VAV2: variants seen among roughly 807,000 people sequenced by gnomAD.
VAV2 encodes the protein guanine nucleotide exchange factor VAV2.
Under a neutral mutation model 132.5 loss-of-function variants are expected in VAV2, and 67 were observed. The observed-to-expected ratio is 0.51, with a 90% CI of 0.42 to 0.62. The LOEUF (loss-of-function observed/expected upper bound fraction) is 0.62. VAV2 is among the 20% of genes least tolerant of loss of function. The pLI, the probability that VAV2 is intolerant of heterozygous loss-of-function variation, is 0.00. For synonymous variants in VAV2, 492 were observed against 443.5 expected (o/e 1.11, Z -1.37); for missense variants, 938 against 1,153.6 (o/e 0.81, Z 2.71).
intron 2 of VAV2, among the ~76,000 whole-genome samples, chr9:133,911,402 T>A (rs573514663): frequency 6.6e-6 from 1 of 152,190 alleles, no homozygotes; most frequent in Admixed American, 6.5e-5. Flanking sequence ...TTCAACTGCA[T>A]TGAATTTACC....
intron 1 of VAV2, among the ~76,000 whole-genome samples, chr9:133,953,690 G>T (rs896915604): frequency 3.3e-5 from 5 of 152,162 alleles, no homozygotes; most frequent in African/African-American, 1.2e-4. Context: ...GGGGACAGGG[G>T]GCTCAGGCAC....
chr9:133,946,491 C>T (rs1406108580), intron 1 of VAV2, among the ~76,000 whole-genome samples: 7 of 152,268 alleles, frequency 4.6e-5, no homozygotes, highest in South Asian at 2.1e-4. Context: ...GCAGCCTCCA[C>T]GCCCTGCGGC....
intron 2 of VAV2, among the ~76,000 whole-genome samples, chr9:133,915,593 C>CAT (rs779260621): frequency 4.6e-5 from 7 of 151,998 alleles, no homozygotes; most frequent in Admixed American, 6.6e-5. Context: ...GGCGCACACA[C>CAT]ACACACTCCC....
At chr9:133,773,073 G>C (rs573559085) in intron 25 of VAV2, among the ~76,000 whole-genome samples, 4 of 145,010 alleles carry the variant, frequency 2.8e-5, no homozygotes, top group African/African-American at 1.0e-4. Flanking sequence ...AGAGCCTACT[G>C]CACACCCCAC....
At chr9:133,972,649 C>T (rs1052372739) in intron 1 of VAV2, among the ~76,000 whole-genome samples, 2 of 152,214 alleles carry the variant, frequency 1.3e-5, no homozygotes, top group Non-Finnish European at 2.9e-5. Flanking sequence ...ATCGGCAGGG[C>T]CTCCCGCAAG....
At chr9:133,915,564 G>A (rs901182957) in intron 2 of VAV2, among the ~76,000 whole-genome samples, 9 of 148,608 alleles carry the variant, frequency 6.1e-5, no homozygotes, top group Admixed American at 2.1e-4. Context: ...AGAAAAACTG[G>A]TGCCAGTCTC....
At chr9:133,809,196 CACATCTGCACCGCG>C in intron 6 of VAV2, 58 bp from the exon 7 acceptor site, 2 of 1,451,592 alleles carry the variant, frequency 1.4e-6, no homozygotes, top group Admixed American at 1.7e-5. Flanking sequence ...CTGCCACCTG[CACATCTGCACCGCG>C]ACACCCGGAC....
At chr9:133,860,584 AC>A (rs1837555912) in intron 3 of VAV2, among the ~76,000 whole-genome samples, 1 of 151,990 alleles carries the variant, frequency 6.6e-6, no homozygotes, top group East Asian at 1.9e-4. Flanking sequence ...AAGTCAGGGC[AC>A]CCTCATGATG....
chr9:133,891,168 G>A (rs2131971295), intron 2 of VAV2, among the ~76,000 whole-genome samples: 1 of 149,718 alleles, frequency 6.7e-6, no homozygotes, highest in African/African-American at 2.5e-5. Context: ...AGGGTGCAGG[G>A]GGCTGCCAGG....
chr9:133,839,766 T>A (rs150562547), intron 3 of VAV2, among the ~76,000 whole-genome samples: 1 of 152,192 alleles, frequency 6.6e-6, no homozygotes, highest in Non-Finnish European at 1.5e-5. Context: ...GGAGGCATTT[T>A]CAAGGAGAGC....
intron 2 of VAV2, among the ~76,000 whole-genome samples, chr9:133,889,627 T>C (rs1838850062): frequency 6.6e-6 from 1 of 152,046 alleles, no homozygotes; most frequent in South Asian, 2.1e-4. Flanking sequence ...ACTGCACAAA[T>C]ACATTAAGCC....
At chr9:133,779,795 C>T in intron 21 of VAV2, 123 bp downstream of exon 21, 4 of 1,358,854 alleles carry the variant, frequency 2.9e-6, no homozygotes, top group South Asian at 2.9e-5. Flanking sequence ...ATGGCAGCAT[C>T]CAGGAGCCTG....
chr9:133,891,229 T>TCTCCCTCC (rs1198053460), intron 2 of VAV2, among the ~76,000 whole-genome samples: 1 of 142,036 alleles, frequency 7.0e-6, no homozygotes, highest in South Asian at 2.4e-4. Flanking sequence ...TCCAGCTTCT[T>TCTCCCTCC]CTCCCTCCCT....
intron 1 of VAV2, among the ~76,000 whole-genome samples, chr9:133,944,274 C>A (rs1221764942): frequency 1.3e-5 from 2 of 152,102 alleles, no homozygotes; most frequent in Admixed American, 6.5e-5. Flanking sequence ...AACGGGTCAC[C>A]GGCAGTGCTG....
At chr9:133,862,130 T>A (rs893582277) in intron 2 of VAV2, among the ~76,000 whole-genome samples, 1 of 152,214 alleles carries the variant, frequency 6.6e-6, no homozygotes, top group Non-Finnish European at 1.5e-5. Flanking sequence ...CCGCTCCTCC[T>A]CCCTCTGCTC....
intron 1 of VAV2, among the ~76,000 whole-genome samples, chr9:133,955,039 T>C (rs1471871940): frequency 6.6e-6 from 1 of 152,018 alleles, no homozygotes; most frequent in African/African-American, 2.4e-5. Context: ...CAGACACTCC[T>C]TCCTCCGGCT....
Position 133,922,637 on chromosome 9 carries a change from A to G in VAV2, c.321+16466T>C, listed in dbSNP as rs138709966. Among the ~76,000 whole-genome samples the G allele has an allele frequency of 2.8e-3, 428 of 152,374 alleles. 3 individuals carry two copies. The highest frequency in any genetic ancestry group is 9.8e-3 in the African/African-American group (407 of 41,590). On this transcript the variant is annotated intron_variant, in intron 2 of 29. Coordinates refer to ENST00000371850, the MANE Select transcript of VAV2 (RefSeq NM_001134398.2). ...CAACACATGGTGCTGGGAAAACTGG[A>G]CAGCTATATGTAAGAGGATGCAGGT...
intron 1 of VAV2, among the ~76,000 whole-genome samples, chr9:133,948,553 C>T (rs931437323): frequency 8.6e-5 from 13 of 151,508 alleles, no homozygotes; most frequent in South Asian, 4.2e-4. Flanking sequence ...GAGTGGAGCT[C>T]CCCCCACCAA....
intron 2 of VAV2, among the ~76,000 whole-genome samples, chr9:133,892,976 C>G (rs1480490570): frequency 6.6e-6 from 1 of 152,194 alleles, no homozygotes; most frequent in Non-Finnish European, 1.5e-5. Flanking sequence ...CAAAGTGAGA[C>G]CAGGAACACC....
Sources: allele counts gnomAD v4.1 joint callset (sites outside exome capture counted in the v4.1 genomes callset), GRCh38; gene constraint gnomAD v4.1.1; transcripts MANE v1.5; gene names NCBI Gene and HGNC (gene_info 2026-07-23, HGNC 2026-07-21).